The following NUBP2 variants were observed in gnomAD, a reference collection of about 807,000 sequenced individuals.
NUBP2 encodes the protein NUBP iron-sulfur cluster assembly factor 2, cytosolic, also known as cytosolic Fe-S cluster assembly factor NUBP2.
A neutral mutation model predicts 24.9 loss-of-function variants in NUBP2; 23 were observed. That is an observed-to-expected ratio of 0.92 (90% CI 0.66 to 1.31). The LOEUF is 1.31. Ranked by LOEUF, NUBP2 falls within the 50% of genes most tolerant of loss-of-function variation. The probability of loss-of-function intolerance (pLI) is 0.00; values close to 1 mark genes in which losing one functional copy is unlikely to be tolerated. For missense variants in NUBP2, 403 were observed against 386.5 expected, an observed-to-expected ratio of 1.04 and a Z score of -0.36; for synonymous variants, 186 against 170.9, an observed-to-expected ratio of 1.09 and a Z score of -0.69.
In NUBP2 at chr16:1,788,739, C is replaced by T; in HGVS notation, c.*25C>T. On this transcript the variant is annotated 3_prime_UTR_variant, in exon 7 of 7. Transcript: ENST00000262302. ...ACTAAGGCCACCTTGCAGCCGCTTT[C>T]CAGGGCCACCAAGGGCTCTGCTCCA... 1 of 1,598,136 alleles carries T rather than the reference C, an allele frequency of 6.3e-7. No homozygotes were observed. The highest frequency in any genetic ancestry group is 8.5e-7 in the Non-Finnish European group (1 of 1,171,520).
chr16:1,788,726 T>A lies in NUBP2; in HGVS notation c.*12T>A, dbSNP rs1237183800. ...CGTGCCTCCCCTGACTAAGGCCACCTTGCAGCCGCTTTCCAGGGCCACCAA... is the reference window on the plus strand; with the variant it reads ...CGTGCCTCCCCTGACTAAGGCCACCATGCAGCCGCTTTCCAGGGCCACCAA... On this transcript the variant is annotated 3_prime_UTR_variant, in exon 7 of 7. Coordinates refer to ENST00000262302, the MANE Select transcript of NUBP2 (RefSeq NM_012225.4). 2 of 1,603,348 alleles carry A rather than the reference T, an allele frequency of 1.2e-6. No homozygotes were observed. The highest frequency in any genetic ancestry group is 2.2e-5 in the East Asian group (1 of 44,684).
chr16:1,786,461 G>A (rs1896971049), intron 1 of NUBP2, 76 bp from the exon 2 acceptor site: 2 of 1,270,788 alleles, frequency 1.6e-6, no homozygotes, highest in East Asian at 4.7e-5. Flanking sequence ...GGGTGCAAGA[G>A]GCAGTGGGTG....
chr16:1,786,534 C>T lies in NUBP2; in HGVS notation c.17-3C>T. The T allele has an allele frequency of 6.3e-7, 1 of 1,591,456 alleles. No individual in the cohort carries two copies. The highest frequency in any genetic ancestry group is 8.6e-7 in the Non-Finnish European group (1 of 1,164,956). On this transcript the variant is annotated splice_region_variant and splice_polypyrimidine_tract_variant and intron_variant, in intron 1 of 6. Coordinates refer to ENST00000262302, the MANE Select transcript of NUBP2 (RefSeq NM_012225.4). ...TGACCTTCTCTGTCGTGTTTCCGCC[C>T]AGAGCCTGGAAACCTGGCCGGCGTC...
rs762918929 is a variant in NUBP2 at position 1,788,691 on chromosome 16, G to A, written c.793G>A (p.Ala265Thr). Residue 265 changes from alanine (A) to threonine (T), a missense_variant, in exon 7 of 7, where the codon GCG becomes ACG. By Grantham distance (58) the Ala-to-Thr change is moderately conservative. Coordinates refer to ENST00000262302, the MANE Select transcript of NUBP2 (RefSeq NM_012225.4). ...LTSIAQKILD[A>T]TPACLP Reference sequence around the variant, plus strand: ...CTCCATAGCCCAGAAGATTCTGGACGCGACGCCCGCGTGCCTCCCCTGACT... The same window carrying A: ...CTCCATAGCCCAGAAGATTCTGGACACGACGCCCGCGTGCCTCCCCTGACT... 9.3e-6 allele frequency: 15 copies of A among 1,611,446 alleles called. No homozygotes were observed. The highest frequency in any genetic ancestry group is 1.3e-5 in the African/African-American group (1 of 74,940).
At chr16:1,785,601 G>A (rs1443591738) in intron 1 of NUBP2, 4 of 1,280,040 alleles carry the variant, frequency 3.1e-6, no homozygotes, top group Non-Finnish European at 4.1e-6. Context: ...CCCCAGGGGT[G>A]ACCGGGAGGC....
intron 1 of NUBP2, chr16:1,784,032 GC>G: frequency 1.0e-6 from 1 of 985,174 alleles, no homozygotes; most frequent in Non-Finnish European, 1.2e-6. Flanking sequence ...GCCTGGAAAA[GC>G]CTGTCCTTAT....
chr16:1,785,677 A>T (rs1567234727), intron 1 of NUBP2: 2 of 1,288,760 alleles, frequency 1.6e-6, no homozygotes, highest in African/African-American at 1.5e-5. Context: ...CGTCCCCTGG[A>T]GGAGACCTCA....
At chr16:1,786,236 A>G in intron 1 of NUBP2, 1 of 433,746 alleles carries the variant, frequency 2.3e-6, no homozygotes, top group Non-Finnish European at 4.2e-6. Flanking sequence ...ACGCGCACGA[A>G]GGAACGCATG....
At chr16:1,787,437 A>AGCGGGGGCTCTGTGG in intron 3 of NUBP2, 1 of 586,114 alleles carries the variant, frequency 1.7e-6, no homozygotes, top group East Asian at 2.8e-5. Flanking sequence ...TCGGGGAGTC[A>AGCGGGGGCTCTGTGG]GCGGGGGCTC....
In NUBP2 at chr16:1,786,688, C is replaced by T. The variant is rs199502456; in HGVS notation, c.135+33C>T. On this transcript the variant is annotated intron_variant, in intron 2 of 6. Coordinates refer to ENST00000262302, the MANE Select transcript of NUBP2 (RefSeq NM_012225.4). Reference sequence around the variant, plus strand: ...CCCTACCCCTCACTGGGCGGAGCCCCGGGCAGCTGCCCGCATCCCGGTGGA... The same window carrying T: ...CCCTACCCCTCACTGGGCGGAGCCCTGGGCAGCTGCCCGCATCCCGGTGGA... 2.0e-4 allele frequency: 315 copies of T among 1,612,054 alleles called. No individual in the cohort carries two copies. The African/African-American group carries it at 3.2e-3, about 17-fold the overall frequency.
intron 1 of NUBP2, chr16:1,785,643 G>A (rs1462494282): frequency 7.8e-7 from 1 of 1,288,438 alleles, no homozygotes; most frequent in Non-Finnish European, 1.0e-6. Flanking sequence ...TTGCAGGAGT[G>A]TGGGGCTGGG....
At position 1,784,266 on chromosome 16, in the gene NUBP2, G is replaced by A. The variant is rs148508730; in HGVS notation, c.16+1230G>A. On this transcript the variant is annotated intron_variant, in intron 1 of 6. Coordinates refer to ENST00000262302, the MANE Select transcript of NUBP2 (RefSeq NM_012225.4). ...CACCCCGCTTGGCTACATTTTTAAT[G>A]TGTAGACATGGGGTCTGAATACGTT... Among the ~76,000 whole-genome samples the A allele has an allele frequency of 5.1e-3, 770 of 152,138 alleles. 5 individuals carry two copies. Among genetic ancestry groups the A allele is most frequent in the Non-Finnish European group, 6.9e-3 (468 of 68,008 alleles).
Position 1,787,686 on chromosome 16 carries a change from A to G in NUBP2, c.344A>G (p.Lys115Arg), listed in dbSNP as rs1897043757. The G allele has an allele frequency of 6.2e-7, 1 of 1,612,414 alleles. No homozygotes were observed. The highest frequency in any genetic ancestry group is 8.5e-7 in the Non-Finnish European group (1 of 1,179,876). ...TGCCCCGTCTTTGCAGCGCTGATAA[A>G]GCAGTTTGTGTCCGACGTGGCCTGG... The part of the protein sequence containing the change: ...WRGPKKNALI[K>R]QFVSDVAWGE... The change falls in exon 4 of 7, where the codon AAG (lysine) becomes AGG (arginine). Residue 115 changes from lysine (K) to arginine (R), a missense_variant. Coordinates refer to ENST00000262302, the MANE Select transcript of NUBP2 (RefSeq NM_012225.4).
chr16:1,784,079 C>T (rs1433943216), intron 1 of NUBP2: 1 of 951,830 alleles, frequency 1.1e-6, no homozygotes, highest in Admixed American at 6.2e-5. Flanking sequence ...AAGGATATTA[C>T]TGAGATTGAT....
intron 5 of NUBP2, 28 bp from the exon 6 acceptor site, chr16:1,788,110 C>T (rs778031091): frequency 3.6e-5 from 55 of 1,548,702 alleles, no homozygotes; most frequent in Middle Eastern, 1.7e-4. Context: ...GGGCTTTGGG[C>T]AGTGCTGGGC....
chr16:1,786,195 A>T, intron 1 of NUBP2: 3 of 361,492 alleles, frequency 8.3e-6, no homozygotes, highest in Admixed American at 4.3e-5. Context: ...TGGCAGTTTC[A>T]TGATCATGTG....
chr16:1,788,220 A>G lies in NUBP2; in HGVS notation c.670+13A>G. 1 of 1,468,808 alleles carries G rather than the reference A, an allele frequency of 6.8e-7. No individual in the cohort carries two copies. The highest frequency in any genetic ancestry group is 1.4e-5 in the South Asian group (1 of 70,526). 91.0% of individuals were successfully genotyped at this position (1,468,808 alleles called of 1,614,324 possible). A position where few individuals can be genotyped will look rare whatever the true frequency, so the allele number is the denominator to read the frequency against. On this transcript the variant is annotated intron_variant, in intron 6 of 6. Coordinates refer to ENST00000262302, the MANE Select transcript of NUBP2 (RefSeq NM_012225.4). Reference sequence around the variant, plus strand: ...GTGCCCTTCTTAGGTGAGTGTCCCAAGCTGGTGCTGGGGTCGCGGCCTCCC... The same window carrying G: ...GTGCCCTTCTTAGGTGAGTGTCCCAGGCTGGTGCTGGGGTCGCGGCCTCCC...
intron 1 of NUBP2, chr16:1,786,188 C>T: frequency 2.8e-6 from 1 of 357,206 alleles, no homozygotes; most frequent in South Asian, 2.6e-5. Context: ...AGGGGGCTGG[C>T]AGTTTCATGA....
chr16:1,786,704 T>G, intron 2 of NUBP2, 49 bp downstream of exon 2: 1 of 1,611,578 alleles, frequency 6.2e-7, no homozygotes, highest in Non-Finnish European at 8.5e-7. Flanking sequence ...GCTGCCCGCA[T>G]CCCGGTGGAG....
Sources: gnomAD v4.1 joint callset for allele counts (sites outside exome capture counted in the v4.1 genomes callset) on GRCh38, gnomAD v4.1.1 for gene constraint, MANE v1.5 for transcripts, NCBI Gene and HGNC (gene_info 2026-07-23, HGNC 2026-07-21) for gene names.